The following ATP2B2 variants were observed in gnomAD, a reference collection of about 807,000 sequenced individuals.
The protein encoded by ATP2B2 is plasma membrane calcium-transporting ATPase 2.
Under a neutral mutation model 120.0 loss-of-function variants are expected in ATP2B2, and 15 were observed. The observed-to-expected ratio is 0.12, with a 90% confidence interval of 0.08 to 0.19. The LOEUF (loss-of-function observed/expected upper bound fraction) is 0.19, where lower values mean the gene tolerates loss of function less well. Among genes scored for constraint, ATP2B2 ranks in the 10% least tolerant of loss-of-function variants. ATP2B2 has a pLI of 1.00. For missense variants in ATP2B2, 1,045 were observed against 1,719.8 expected (o/e 0.61, Z 6.94); for synonymous variants, 694 against 700.3 (o/e 0.99, Z 0.14).
chr3:10,449,899 G>A, intron 1 of ATP2B2, 37 bp from the exon 2 acceptor site: 1 of 381,032 alleles, frequency 2.6e-6, no homozygotes, highest in South Asian at 2.2e-5. Context: ...CAAAGGCCAG[G>A]CACTGGAGGC....
intron 2 of ATP2B2, among the ~76,000 whole-genome samples, chr3:10,589,240 G>C (rs1022920781): frequency 6.6e-6 from 1 of 152,182 alleles, no homozygotes; most frequent in African/African-American, 2.4e-5. Flanking sequence ...GGCCCAGAGA[G>C]GCTGTCAGAG....
At chr3:10,616,706 G>C (rs1169971104) in intron 2 of ATP2B2, among the ~76,000 whole-genome samples, 1 of 151,394 alleles carries the variant, frequency 6.6e-6, no homozygotes, top group Non-Finnish European at 1.5e-5. Flanking sequence ...ACACTCATTG[G>C]TGGGGGCAGA....
At chr3:10,367,190 A>G (rs1011157425) in intron 12 of ATP2B2, among the ~76,000 whole-genome samples, 8 of 152,046 alleles carry the variant, frequency 5.3e-5, no homozygotes, top group Non-Finnish European at 1.2e-4. Flanking sequence ...CCAGGCCACA[A>G]ATCACCATGT....
intron 1 of ATP2B2, among the ~76,000 whole-genome samples, chr3:10,669,770 A>AC (rs1040394013): frequency 1.3e-5 from 2 of 150,936 alleles, no homozygotes; most frequent in East Asian, 2.0e-4. Flanking sequence ...TGTCACCCCC[A>AC]CCCCCCAGAG....
At chr3:10,484,642 T>C (rs2065562093) in intron 1 of ATP2B2, among the ~76,000 whole-genome samples, 1 of 152,118 alleles carries the variant, frequency 6.6e-6, no homozygotes, top group Non-Finnish European at 1.5e-5. Flanking sequence ...CTGCCCTGCC[T>C]CACATCCTGC....
intron 1 of ATP2B2, among the ~76,000 whole-genome samples, chr3:10,454,056 C>T (rs990530792): frequency 5.3e-5 from 8 of 152,138 alleles, no homozygotes; most frequent in Non-Finnish European, 1.2e-4. Flanking sequence ...TCCATCCATC[C>T]ATCCACTTAC....
intron 2 of ATP2B2, among the ~76,000 whole-genome samples, chr3:10,605,686 C>A (rs2069044881): frequency 6.6e-6 from 1 of 150,614 alleles, no homozygotes; most frequent in African/African-American, 2.5e-5. Context: ...TCTCACTCTG[C>A]CACCCAGGTG....
At chr3:10,633,359 C>G (rs1326647174) in intron 1 of ATP2B2, among the ~76,000 whole-genome samples, 1 of 152,154 alleles carries the variant, frequency 6.6e-6, no homozygotes, top group Non-Finnish European at 1.5e-5. Context: ...GACAGGATGC[C>G]CTCCATCCTG....
chr3:10,461,358 C>T (rs2064481487), intron 1 of ATP2B2, among the ~76,000 whole-genome samples: 1 of 152,218 alleles, frequency 6.6e-6, no homozygotes, highest in Non-Finnish European at 1.5e-5. Context: ...CTCTGTGAGG[C>T]TACTGACTTG....
intron 5 of ATP2B2, among the ~76,000 whole-genome samples, chr3:10,398,375 C>T (rs2062111874): frequency 6.6e-6 from 1 of 152,250 alleles, no homozygotes; most frequent in Non-Finnish European, 1.5e-5. Context: ...AGGCTTCCAG[C>T]CAGATGGAGA....
At chr3:10,600,377 T>A (rs908154984) in intron 2 of ATP2B2, among the ~76,000 whole-genome samples, 7 of 152,248 alleles carry the variant, frequency 4.6e-5, no homozygotes, top group African/African-American at 1.4e-4. Flanking sequence ...TTGCTCACCA[T>A]TTTCTGGCTG....
intron 5 of ATP2B2, among the ~76,000 whole-genome samples, chr3:10,392,802 C>T (rs528531035): frequency 9.9e-5 from 15 of 152,234 alleles, no homozygotes; most frequent in Non-Finnish European, 2.2e-4. Context: ...CTCTCTGGAC[C>T]TCAGTTTTGT....
intron 12 of ATP2B2, among the ~76,000 whole-genome samples, chr3:10,371,432 C>A (rs1344197989): frequency 6.6e-6 from 1 of 152,188 alleles, no homozygotes; most frequent in Non-Finnish European, 1.5e-5. Flanking sequence ...TCCAGCTGAA[C>A]CCAGCTTGAA....
At chr3:10,526,214 C>T (rs1375790708) in intron 3 of ATP2B2, among the ~76,000 whole-genome samples, 6 of 152,206 alleles carry the variant, frequency 3.9e-5, no homozygotes, top group Non-Finnish European at 8.8e-5. Context: ...TGTCTCTGTT[C>T]ATCTCTGCCT....
chr3:10,575,423 G>A (rs1159341130), intron 2 of ATP2B2, among the ~76,000 whole-genome samples: 2 of 152,206 alleles, frequency 1.3e-5, no homozygotes, highest in Non-Finnish European at 2.9e-5. Flanking sequence ...GTTCTAGGGA[G>A]GATTCAACGA....
intron 12 of ATP2B2, 62 bp from the exon 13 acceptor site, chr3:10,360,185 G>T: frequency 6.6e-7 from 1 of 1,523,402 alleles, no homozygotes. Flanking sequence ...CCTCTGCCCT[G>T]GCTGCCACTG....
intron 10 of ATP2B2, among the ~76,000 whole-genome samples, chr3:10,376,416 G>A (rs1238435672): frequency 2.6e-5 from 4 of 152,194 alleles, no homozygotes; most frequent in Non-Finnish European, 5.9e-5. Flanking sequence ...CCATGTAGAG[G>A]AAACAGCAGG....
intron 2 of ATP2B2, among the ~76,000 whole-genome samples, chr3:10,419,798 T>A (rs940334322): frequency 6.6e-6 from 1 of 152,220 alleles, no homozygotes; most frequent in Non-Finnish European, 1.5e-5. Flanking sequence ...CCCTGCCCTG[T>A]TCCAGCCTGA....
At chr3:10,666,212 C>G (rs1345173875) in intron 1 of ATP2B2, among the ~76,000 whole-genome samples, 1 of 152,120 alleles carries the variant, frequency 6.6e-6, no homozygotes, top group Non-Finnish European at 1.5e-5. Flanking sequence ...TCCCCTGGCC[C>G]TACAGCTCCC....
Sources: gnomAD v4.1 joint callset for allele counts (sites outside exome capture counted in the v4.1 genomes callset) on GRCh38, gnomAD v4.1.1 for gene constraint, MANE v1.5 for transcripts, NCBI Gene and HGNC (gene_info 2026-07-23, HGNC 2026-07-21) for gene names.